The following NRL variants were observed in gnomAD, a reference collection of about 807,000 sequenced individuals.
The protein encoded by NRL is neural retina leucine zipper, also known as neural retina-specific leucine zipper protein.
A neutral mutation model predicts 12.5 loss-of-function variants in NRL; 16 were observed. The ratio of observed to expected loss-of-function variants is 1.28; its 90% CI spans 0.87 to 1.95. NRL has a LOEUF of 1.95. Among genes scored for constraint, NRL ranks in the 30% most tolerant of loss-of-function variants. The probability of loss-of-function intolerance (pLI) is 0.00; values close to 1 mark genes in which losing one functional copy is unlikely to be tolerated. For missense variants in NRL, 314 were observed against 325.8 expected, an observed-to-expected ratio of 0.96 and a Z score of 0.28; for synonymous variants, 142 against 150.9, an observed-to-expected ratio of 0.94 and a Z score of 0.43.
chr14:24,097,126 G>C (rs756927316), intron 1 of NRL: 1 of 1,613,920 alleles, frequency 6.2e-7, no homozygotes, highest in Non-Finnish European at 8.5e-7. Flanking sequence ...AGCTCCCCAA[G>C]TACAATAACT....
chr14:24,106,975 C>G (rs1322122412), intron 1 of NRL, among the ~76,000 whole-genome samples: 3 of 152,106 alleles, frequency 2.0e-5, no homozygotes, highest in Admixed American at 6.6e-5. Flanking sequence ...CAGAACTATG[C>G]CTGGCACCGA....
At chr14:24,110,235 G>T in intron 1 of NRL, 2 of 216,820 alleles carry the variant, frequency 9.2e-6, no homozygotes, top group Admixed American at 4.9e-5. Context: ...TTCCACCTCA[G>T]CATCCTGGGT....
intron 1 of NRL, among the ~76,000 whole-genome samples, chr14:24,101,540 T>C (rs773807811): frequency 5.3e-5 from 8 of 152,220 alleles, no homozygotes; most frequent in Non-Finnish European, 1.2e-4. Context: ...TCCCTACCCA[T>C]GTGATATCCC....
Position 24,102,809 on chromosome 14 carries a change from T to A in NRL, c.-28+11913A>T, listed in dbSNP as rs779493794. On this transcript the variant is annotated intron_variant, in intron 1 of 2. Transcript: ENST00000561028. ...TCGATTTTGTGCCCCGGCTCGCCAG[T>A]GCCCCATCATGGACCCAGCCTGGGA... 4 of 1,613,792 alleles carry A rather than the reference T, an allele frequency of 2.5e-6. No individual in the cohort carries two copies. In the Admixed American group the frequency reaches 6.7e-5, roughly 27 times the overall value.
intron 1 of NRL, chr14:24,098,994 G>A (rs576598921): frequency 1.8e-5 from 25 of 1,405,900 alleles, no homozygotes; most frequent in South Asian, 3.7e-5. Flanking sequence ...CTCTGGCCCC[G>A]ACACCCCAGT....
intron 1 of NRL, chr14:24,103,762 G>A (rs374281244): frequency 6.2e-7 from 1 of 1,614,070 alleles, no homozygotes; most frequent in African/African-American, 1.3e-5. Context: ...ACACCCATTG[G>A]GCTGGTGCCA....
rs1019907475 is a variant in NRL, at chr14:24,101,462, C to A, written c.-28+13260G>T. The stretch of plus-strand genomic sequence containing the variant: ...ACAGTGGTGCTTCATACATGTGCCA[C>A]TGACTTAGTCCCAACCCCCCTCCAG... On this transcript the variant is annotated intron_variant, in intron 1 of 2. Coordinates refer to ENST00000561028, the MANE Select transcript of NRL (RefSeq NM_001354768.3). Among the ~76,000 whole-genome samples, 7 of 152,334 alleles carry A rather than the reference C, an allele frequency of 4.6e-5. No homozygotes were observed. In the East Asian group the frequency reaches 7.7e-4, roughly 17 times the overall value.
At chr14:24,110,683 T>A (rs2037405645) in intron 1 of NRL, 1 of 152,382 alleles carries the variant, frequency 6.6e-6, no homozygotes, top group African/African-American at 2.4e-5. Context: ...GATATTTAGA[T>A]CTTTGTTTCC....
At chr14:24,102,725 A>G (rs1230356082) in intron 1 of NRL, 2 of 1,605,104 alleles carry the variant, frequency 1.2e-6, no homozygotes, top group African/African-American at 1.3e-5. Context: ...GACCTTGGAA[A>G]TAATAGTGTT....
Position 24,094,289 on chromosome 14 carries a change from GC to G in NRL, c.-27-11415del. The G allele has an allele frequency of 9.7e-7, 1 of 1,033,118 alleles. No homozygotes were observed. The highest frequency in any genetic ancestry group is 1.4e-6 in the Non-Finnish European group (1 of 708,988). The allele number at this position is 1,033,118 out of a possible 1,614,324, so 64.0% of individuals were successfully genotyped here. A position where few individuals can be genotyped will look rare whatever the true frequency, so the allele number is the denominator to read the frequency against. On this transcript the variant is annotated intron_variant, in intron 1 of 2. Transcript: ENST00000561028. The surrounding 1 kb of genome is among the most constrained non-coding windows in gnomAD (Gnocchi z 4.1). ...CCGCGCCTGCCCCCCTCCTTTTTAA[GC>G]GCCTCCCGCCAGCCTCTGCTGTGGC...
In NRL at chr14:24,094,118, C is replaced by G; in HGVS notation, c.-27-11243G>C. 1.8e-6 allele frequency: 1 copy of G among 544,600 alleles called. No individual in the cohort carries two copies. 33.7% of individuals were successfully genotyped at this position (544,600 alleles called of 1,614,324 possible). A position where few individuals can be genotyped will look rare whatever the true frequency, so the allele number is the denominator to read the frequency against. On this transcript the variant is annotated intron_variant, in intron 1 of 2. Transcript: ENST00000561028. This position sits in a 1 kb window ranked among gnomAD's most constrained non-coding sequence, Gnocchi z 4.1. ...GGGGCCGAAGAGTGGACCCAGTCCT[C>G]CAATGGGAGAGATGGGTTTGGCGGT...
At chr14:24,108,389 A>C (rs1454871448) in intron 1 of NRL, among the ~76,000 whole-genome samples, 1 of 152,074 alleles carries the variant, frequency 6.6e-6, no homozygotes, top group Non-Finnish European at 1.5e-5. Flanking sequence ...CCAGGCTGTA[A>C]TGCAGTAGCG....
intron 1 of NRL, chr14:24,097,005 T>C (rs1285580989): frequency 6.2e-7 from 1 of 1,613,346 alleles, no homozygotes; most frequent in East Asian, 2.2e-5. Flanking sequence ...CGAGATTTTG[T>C]AGAGCACAGT....
chr14:24,111,345 G>A (rs2037415943), intron 1 of NRL, among the ~76,000 whole-genome samples: 1 of 145,170 alleles, frequency 6.9e-6, no homozygotes, highest in South Asian at 2.1e-4. Flanking sequence ...ACCGGAAGAG[G>A]CATAGGTGTT....
At chr14:24,099,466 C>T in intron 1 of NRL, 6 of 1,235,450 alleles carry the variant, frequency 4.9e-6, no homozygotes, top group Non-Finnish European at 6.8e-6. Context: ...AACATTGGTC[C>T]TCCCTATTAG....
Position 24,094,550 on chromosome 14 carries a change from G to C in NRL, c.-27-11675C>G. 1 of 1,438,156 alleles carries C rather than the reference G, an allele frequency of 7.0e-7. No individual in the cohort carries two copies. 89.1% of individuals were successfully genotyped at this position (1,438,156 alleles called of 1,614,324 possible). ...CGCCAGGTTTCCCATCCTAGGCGGA[G>C]GCGGGCAGGGGCGACTGCTGTGGGT... is the stretch of plus-strand genomic sequence containing the variant. On this transcript the variant is annotated intron_variant, in intron 1 of 2. Coordinates refer to ENST00000561028, the MANE Select transcript of NRL (RefSeq NM_001354768.3). The surrounding 1 kb of genome is among the most constrained non-coding windows in gnomAD (Gnocchi z 4.1).
chr14:24,103,959 ATG>A, intron 1 of NRL: 1 of 1,612,156 alleles, frequency 6.2e-7, no homozygotes, highest in Non-Finnish European at 8.5e-7. Flanking sequence ...TGTGCACAAA[ATG>A]TGACCTGAGG....
Position 24,104,168 on chromosome 14 carries a change from G to C in NRL, c.-28+10554C>G, listed in dbSNP as rs150461115. ...TTTCATTTCCCACCTATCTTCACAG[G>C]CTTCCCTCTAACACCTGTCTCACAA... On this transcript the variant is annotated intron_variant, in intron 1 of 2. Transcript: ENST00000561028. 5 of 578,764 alleles carry C rather than the reference G, an allele frequency of 8.6e-6. No individual in the cohort carries two copies. In the East Asian group the frequency reaches 8.7e-5, roughly 10 times the overall value. The allele number at this position is 578,764 out of a possible 1,614,324, so 35.9% of individuals were successfully genotyped here.
At chr14:24,110,520 T>C (rs905211951) in intron 1 of NRL, 2 of 171,450 alleles carry the variant, frequency 1.2e-5, no homozygotes, top group African/African-American at 4.8e-5. Context: ...CACAATTTCC[T>C]ATGGTATAAA....
Sources: gnomAD v4.1 joint callset for allele counts (sites outside exome capture counted in the v4.1 genomes callset) on GRCh38, gnomAD v4.1.1 for gene constraint, Gnocchi (gnomAD v3.1) non-coding constraint, MANE v1.5 for transcripts, NCBI Gene and HGNC (gene_info 2026-07-23, HGNC 2026-07-21) for gene names.